MTMR9: variants seen among roughly 807,000 people sequenced by gnomAD.
MTMR9 encodes myotubularin-related protein 9.
Under a neutral mutation model 69.5 loss-of-function variants are expected in MTMR9, and 39 were observed. That is an observed-to-expected ratio of 0.56 (90% CI 0.43 to 0.73). The LOEUF (loss-of-function observed/expected upper bound fraction) is 0.73, where lower values mean the gene tolerates loss of function less well. Among genes scored for constraint, MTMR9 ranks in the 30% least tolerant of loss-of-function variants. The pLI, the probability that MTMR9 is intolerant of heterozygous loss-of-function variation, is 0.00. For missense variants in MTMR9, 900 were observed against 671.2 expected (o/e 1.34, Z -3.77); for synonymous variants, 354 against 240.8 (o/e 1.47, Z -4.35).
chr8:11,331,481 G>A (rs200692091), downstream of MTMR9: 11 of 1,613,816 alleles, frequency 6.8e-6, no homozygotes, highest in Non-Finnish European at 9.3e-6. Context: ...TTCAGGTGGT[G>A]CCCGCTGGCA....
At chr8:11,303,950 T>G (rs1335875085) in intron 3 of MTMR9, among the ~76,000 whole-genome samples, 1 of 152,240 alleles carries the variant, frequency 6.6e-6, no homozygotes, top group East Asian at 1.9e-4. Flanking sequence ...ATCTTGTCTG[T>G]TAGTACGTCT....
chr8:11,304,998 A>G lies in MTMR9; in HGVS notation c.575A>G (p.His192Arg). Residue 192 changes from histidine (H) to arginine (R), a missense_variant, in exon 4 of 10, where the codon CAC becomes CGC. His to Arg is a conservative substitution (Grantham distance 29). Coordinates refer to ENST00000221086, the MANE Select transcript of MTMR9 (RefSeq NM_015458.4). Reference sequence around the variant, plus strand: ...CGCTTCCCAGTACTAAGCTATTACCACAAAAAAAATGGGATGGTAAGTGCA... The same window carrying G: ...CGCTTCCCAGTACTAAGCTATTACCGCAAAAAAAATGGGATGGTAAGTGCA... The part of the protein sequence containing the change: ...GGRFPVLSYY[H>R]KKNGMVIMRS... 6.2e-7 allele frequency: 1 copy of G among 1,613,912 alleles called. No homozygotes were observed. The highest frequency in any genetic ancestry group is 1.3e-5 in the African/African-American group (1 of 75,032).
intron 5 of MTMR9, among the ~76,000 whole-genome samples, chr8:11,306,614 C>T (rs573443249): frequency 1.3e-5 from 2 of 152,100 alleles, no homozygotes; most frequent in Non-Finnish European, 2.9e-5. Flanking sequence ...GTGATGTACA[C>T]TGTGCTATTT....
chr8:11,324,040 A>C lies in MTMR9; in HGVS notation c.*1252A>C, dbSNP rs941324773. 2 of 152,184 alleles carry C rather than the reference A, an allele frequency of 1.3e-5. No individual in the cohort carries two copies. The highest frequency in any genetic ancestry group is 2.9e-5 in the Non-Finnish European group (2 of 68,034). 9.4% of individuals were successfully genotyped at this position (152,184 alleles called of 1,614,324 possible). A position where few individuals can be genotyped will look rare whatever the true frequency, so the allele number is the denominator to read the frequency against. On this transcript the variant is annotated 3_prime_UTR_variant, in exon 10 of 10. Transcript: ENST00000221086. The stretch of plus-strand genomic sequence containing the variant: ...ACATTTCTGTTTGGTGACATTGCTC[A>C]TTTTAACAAATATGACCGAGTCTAG...
intron 8 of MTMR9, 62 bp downstream of exon 8, chr8:11,316,955 G>A: frequency 1.8e-6 from 2 of 1,132,542 alleles, no homozygotes; most frequent in Non-Finnish European, 1.3e-6. Context: ...TTCCTAAGTA[G>A]CCAGAATCTC....
chr8:11,285,133 A>G, intron 1 of MTMR9, 63 bp downstream of exon 1: 1 of 1,443,986 alleles, frequency 6.9e-7, no homozygotes, highest in South Asian at 1.4e-5. Flanking sequence ...CGCCCCGGGA[A>G]ATACTTCCTG....
chr8:11,337,788 C>T, the MTMR9 span, among the ~76,000 whole-genome samples: 47 of 152,186 alleles, frequency 3.1e-4, 1 homozygote, highest in Admixed American at 1.3e-4. Flanking sequence ...TCATGTGCTC[C>T]GGTAAAGGTA....
chr8:11,296,175 C>T (rs1799552651), intron 2 of MTMR9, among the ~76,000 whole-genome samples: 2 of 152,120 alleles, frequency 1.3e-5, no homozygotes, highest in African/African-American at 4.8e-5. Context: ...GATTTTACCA[C>T]ATGCTAGCTT....
At chr8:11,317,669 G>C (rs1013988392) in intron 8 of MTMR9, 2 of 152,412 alleles carry the variant, frequency 1.3e-5, no homozygotes, top group African/African-American at 4.8e-5. Context: ...TCCTCCTCCT[G>C]CTCCAGACTT....
intron 1 of MTMR9, among the ~76,000 whole-genome samples, chr8:11,286,334 C>T (rs564982628): frequency 1.3e-5 from 2 of 151,608 alleles, no homozygotes; most frequent in Admixed American, 6.6e-5. Context: ...GAGCAGGGGG[C>T]TCTTATTAGT....
intron 8 of MTMR9, chr8:11,317,811 C>T (rs1261935093): frequency 3.9e-5 from 6 of 152,428 alleles, no homozygotes; most frequent in Admixed American, 3.9e-4. Context: ...CTGGTAATCT[C>T]TTCAGGGTAC....
In MTMR9 at chr8:11,326,328, A is replaced by G. The variant is rs1301479842; in HGVS notation, c.*3540A>G. The G allele has an allele frequency of 3.3e-5, 5 of 152,248 alleles. No homozygotes were observed. The highest frequency in any genetic ancestry group is 6.5e-5 in the Admixed American group (1 of 15,290). The allele number at this position is 152,248 out of a possible 1,614,324, so 9.4% of individuals were successfully genotyped here. ...CTTCTAGATAGAATGAATGAAAACA[A>G]CACAAGCGTTTTATGAGCACTCTTT... On this transcript the variant is annotated 3_prime_UTR_variant, in exon 10 of 10. Transcript: ENST00000221086.
intron 1 of MTMR9, among the ~76,000 whole-genome samples, chr8:11,294,137 A>T (rs1799467211): frequency 6.6e-6 from 1 of 152,224 alleles, no homozygotes; most frequent in African/African-American, 2.4e-5. Context: ...GGAATAATTG[A>T]CAATAAAAAG....
intron 3 of MTMR9, among the ~76,000 whole-genome samples, chr8:11,303,307 C>T (rs76181503): frequency 0.033 from 5,007 of 150,996 alleles, 317 homozygotes; most frequent in African/African-American, 0.12. Context: ...ATGGAGAGCC[C>T]TGTCATTCTC....
At chr8:11,304,586 C>T (rs559830423) in intron 3 of MTMR9, among the ~76,000 whole-genome samples, 57 of 152,262 alleles carry the variant, frequency 3.7e-4, no homozygotes, top group African/African-American at 1.3e-3. Context: ...AGCTACAGAG[C>T]AACAAGTTTT....
intron 2 of MTMR9, chr8:11,298,883 G>A: frequency 1.0e-6 from 1 of 985,036 alleles, no homozygotes; most frequent in Non-Finnish European, 1.2e-6. Context: ...GGTAAATATA[G>A]GCCCATTTGG....
At chr8:11,302,666 G>A (rs1263601994) in intron 3 of MTMR9, among the ~76,000 whole-genome samples, 4 of 152,128 alleles carry the variant, frequency 2.6e-5, no homozygotes, top group Admixed American at 6.5e-5. Flanking sequence ...GTTCAAGAAT[G>A]AGGCAAGGAT....
chr8:11,330,791 G>A, downstream of MTMR9: 2 of 453,032 alleles, frequency 4.4e-6, no homozygotes, highest in South Asian at 6.0e-5. Flanking sequence ...GAAGGCCGCA[G>A]GGTCCTCTGC....
chr8:11,313,767 A>G (rs961307594), intron 6 of MTMR9, among the ~76,000 whole-genome samples: 1 of 152,194 alleles, frequency 6.6e-6, no homozygotes, highest in Non-Finnish European at 1.5e-5. Flanking sequence ...GATGCCCCCA[A>G]AACTTGTAGA....
Sources: allele counts gnomAD v4.1 joint callset (sites outside exome capture counted in the v4.1 genomes callset), GRCh38; gene constraint gnomAD v4.1.1; transcripts MANE v1.5; gene names NCBI Gene and HGNC (gene_info 2026-07-23, HGNC 2026-07-21).